CSGALNACT1: variants seen among roughly 807,000 people sequenced by gnomAD.
CSGALNACT1 encodes beta4GalNAcT-1.
Under a neutral mutation model 51.0 loss-of-function variants are expected in CSGALNACT1, and 52 were observed. That is an observed-to-expected ratio of 1.02 (90% CI 0.82 to 1.29). CSGALNACT1 has a LOEUF of 1.29. Among genes scored for constraint, CSGALNACT1 ranks in the 50% most tolerant of loss-of-function variants. The pLI is 0.00. For synonymous variants in CSGALNACT1, 341 were observed against 254.4 expected, an observed-to-expected ratio of 1.34 and a Z score of -3.24; for missense variants, 935 against 679.2, an observed-to-expected ratio of 1.38 and a Z score of -4.19.
intron 4 of CSGALNACT1, among the ~76,000 whole-genome samples, chr8:19,500,896 G>T (rs2076296907): frequency 6.6e-6 from 1 of 152,174 alleles, no homozygotes; most frequent in Admixed American, 6.5e-5. Flanking sequence ...AGGTTCAGTT[G>T]TCTGGTAAGG....
intron 5 of CSGALNACT1, among the ~76,000 whole-genome samples, chr8:19,449,575 C>T (rs1283645456): frequency 1.3e-5 from 2 of 152,130 alleles, no homozygotes; most frequent in Non-Finnish European, 2.9e-5. Context: ...CTGAAATTTT[C>T]AGAACCACCT....
intron 8 of CSGALNACT1, among the ~76,000 whole-genome samples, chr8:19,418,012 A>G (rs995782533): frequency 2.0e-5 from 3 of 152,186 alleles, no homozygotes; most frequent in African/African-American, 7.2e-5. Context: ...GGCTGTGTGC[A>G]TCCACTATCC....
At chr8:19,731,971 G>A (rs1430847459) in intron 1 of CSGALNACT1, among the ~76,000 whole-genome samples, 3 of 152,180 alleles carry the variant, frequency 2.0e-5, no homozygotes, top group African/African-American at 2.4e-5. Flanking sequence ...TTAGAGCTTT[G>A]ATCTGCATAA....
chr8:19,655,170 T>C (rs546587137), intron 1 of CSGALNACT1, among the ~76,000 whole-genome samples: 18 of 152,274 alleles, frequency 1.2e-4, no homozygotes, highest in Admixed American at 1.1e-3. Context: ...TTTTCCTCTG[T>C]AGAAGACATC....
At chr8:19,713,551 G>A (rs770461207) in intron 1 of CSGALNACT1, among the ~76,000 whole-genome samples, 2 of 152,134 alleles carry the variant, frequency 1.3e-5, no homozygotes, top group Non-Finnish European at 2.9e-5. Context: ...GAGCAAGTGG[G>A]CCCCTGGATC....
chr8:19,507,264 T>G (rs986163744), intron 3 of CSGALNACT1, among the ~76,000 whole-genome samples: 3 of 152,112 alleles, frequency 2.0e-5, no homozygotes. Context: ...CCCAGTTATA[T>G]CTCTGCTCCA....
intron 5 of CSGALNACT1, 59 bp from the exon 5 acceptor site, chr8:19,439,990 A>G (rs1563403702): frequency 2.9e-6 from 4 of 1,381,754 alleles, no homozygotes; most frequent in Non-Finnish European, 3.1e-6. Context: ...GGCACAGCAC[A>G]AACCAATACC....
chr8:19,475,215 C>T (rs181054066), intron 4 of CSGALNACT1, among the ~76,000 whole-genome samples: 1 of 152,234 alleles, frequency 6.6e-6, no homozygotes, highest in Admixed American at 6.5e-5. Flanking sequence ...GAATATGGCA[C>T]AATCAGAAAA....
upstream of CSGALNACT1, among the ~76,000 whole-genome samples, chr8:19,606,327 T>C (rs1307928561): frequency 6.6e-6 from 1 of 152,232 alleles, no homozygotes; most frequent in Non-Finnish European, 1.5e-5. Context: ...GTCCCTTATG[T>C]TATGGCACTG....
chr8:19,537,132 C>G (rs949108804), intron 3 of CSGALNACT1, among the ~76,000 whole-genome samples: 2 of 152,184 alleles, frequency 1.3e-5, no homozygotes, highest in African/African-American at 4.8e-5. Context: ...AAGCAGAATT[C>G]TTTCCTCATG....
rs2080660543 is a variant in CSGALNACT1 at position 19,521,387 on chromosome 8, G to C, written c.-296-15257C>G. Among the ~76,000 whole-genome samples, 3 of 152,188 alleles carry C rather than the reference G, an allele frequency of 2.0e-5. 1 individual carries two copies. In the South Asian group the frequency reaches 6.2e-4, roughly 32 times the overall value. The stretch of plus-strand genomic sequence containing the variant: ...AGGAGAAAAAAAAGCTATCCATCAA[G>C]AGTAGGGCCCAGGGGGCCGGCACGG... On this transcript the variant is annotated intron_variant, in intron 3 of 9. Transcript: ENST00000454498.
rs560413940 is a variant in CSGALNACT1, at chr8:19,746,367, G to A, written c.-297+11483C>T. On this transcript the variant is annotated intron_variant, in intron 1 of 1. Coordinates refer to the CSGALNACT1 transcript ENST00000517494. ...CATCTTGGTAGTTCATTATTATAAG[G>A]GGCACCTAAAACTATCTGCCTATTG... Among the ~76,000 whole-genome samples the A allele has an allele frequency of 1.5e-3, 223 of 152,176 alleles. 2 individuals are homozygous for A. Among genetic ancestry groups the A allele is most frequent in the Non-Finnish European group, 1.4e-3 (97 of 67,992 alleles).
intron 1 of CSGALNACT1, among the ~76,000 whole-genome samples, chr8:19,704,711 T>C (rs536293583): frequency 2.0e-5 from 3 of 152,232 alleles, no homozygotes; most frequent in South Asian, 4.2e-4. Context: ...GATAAATGGA[T>C]GGATGGATGG....
chr8:19,511,055 G>T (rs1359726647), intron 3 of CSGALNACT1, among the ~76,000 whole-genome samples: 1 of 152,246 alleles, frequency 6.6e-6, no homozygotes, highest in African/African-American at 2.4e-5. Flanking sequence ...AATCAAGAAA[G>T]ACTCAAGGAC....
At chr8:19,565,960 C>G (rs549424039) in intron 3 of CSGALNACT1, among the ~76,000 whole-genome samples, 3 of 152,274 alleles carry the variant, frequency 2.0e-5, no homozygotes, top group African/African-American at 7.2e-5. Context: ...TCTTTAAATG[C>G]CCATTTCTAG....
At chr8:19,638,520 G>C (rs1419129770) in intron 1 of CSGALNACT1, among the ~76,000 whole-genome samples, 2 of 152,114 alleles carry the variant, frequency 1.3e-5, no homozygotes, top group African/African-American at 4.8e-5. Context: ...TAAGGTAAAA[G>C]GAACTGGATG....
At chr8:19,643,593 G>C (rs543439315) in intron 1 of CSGALNACT1, among the ~76,000 whole-genome samples, 88 of 150,922 alleles carry the variant, frequency 5.8e-4, no homozygotes, top group African/African-American at 2.0e-3. Context: ...AGCCAAGACT[G>C]CACCACTGCA....
chr8:19,536,353 A>AAT (rs34702890), intron 3 of CSGALNACT1, among the ~76,000 whole-genome samples: 8 of 151,796 alleles, frequency 5.3e-5, no homozygotes, highest in Admixed American at 1.3e-4. Flanking sequence ...GTTAAAAAAA[A>AAT]CAAATGCATC....
intron 3 of CSGALNACT1, among the ~76,000 whole-genome samples, chr8:19,508,677 G>A (rs1288795398): frequency 2.6e-5 from 4 of 152,266 alleles, no homozygotes; most frequent in East Asian, 1.9e-4. Context: ...AAAGATTGTC[G>A]TTAAAGACAA....
Sources: gnomAD v4.1 joint callset for allele counts (sites outside exome capture counted in the v4.1 genomes callset) on GRCh38, gnomAD v4.1.1 for gene constraint, MANE v1.5 for transcripts, NCBI Gene and HGNC (gene_info 2026-07-23, HGNC 2026-07-21) for gene names.